Variants in WDFY3 observed in about 807,000 individuals in gnomAD.
The protein encoded by WDFY3 is WD repeat and FYVE domain containing 3.
Under a neutral mutation model 409.6 loss-of-function variants are expected in WDFY3, and 66 were observed. The ratio of observed to expected loss-of-function variants is 0.16; its 90% CI spans 0.13 to 0.20. The LOEUF is 0.20. Among genes scored for constraint, WDFY3 ranks in the 10% least tolerant of loss-of-function variants. The pLI, the probability that WDFY3 is intolerant of heterozygous loss-of-function variation, is 1.00. For missense variants in WDFY3, 3,031 were observed against 4,298.1 expected (o/e 0.71, Z 8.24); for synonymous variants, 1,521 against 1,537.1 (o/e 0.99, Z 0.25).
chr4:84,736,111 T>C, intron 42 of WDFY3, 59 bp downstream of exon 42: 1 of 1,497,860 alleles, frequency 6.7e-7, no homozygotes, highest in South Asian at 1.4e-5. Context: ...TGCTTGTACA[T>C]GTTAAGTATA....
In WDFY3 at chr4:84,774,989, A is replaced by C. The variant is rs780399020; in HGVS notation, c.4593-8T>G. The C allele has an allele frequency of 1.2e-6, 2 of 1,613,380 alleles. No homozygotes were observed. Among genetic ancestry groups the C allele is most frequent in the Non-Finnish European group, 1.7e-6 (2 of 1,179,754 alleles). On this transcript the variant is annotated splice_region_variant and splice_polypyrimidine_tract_variant and intron_variant, in intron 28 of 67. Coordinates refer to ENST00000295888, the MANE Select transcript of WDFY3 (RefSeq NM_014991.6). ...GCATTCTTTGAGGCTTCACTATAAGAGAAAGAAGATTTTATACACTGTACT... is the reference window on the plus strand; with the variant it reads ...GCATTCTTTGAGGCTTCACTATAAGCGAAAGAAGATTTTATACACTGTACT...
intron 67 of WDFY3, among the ~76,000 whole-genome samples, chr4:84,676,664 C>A (rs1410294776): frequency 1.3e-5 from 2 of 150,606 alleles, no homozygotes; most frequent in African/African-American, 4.9e-5. Flanking sequence ...ATTAAAATAA[C>A]CGACAGTAGT....
At chr4:84,938,750 TCTTTA>T (rs1214038338) in intron 1 of WDFY3, among the ~76,000 whole-genome samples, 1 of 152,160 alleles carries the variant, frequency 6.6e-6, no homozygotes, top group Non-Finnish European at 1.5e-5. Context: ...TAATGTCACC[TCTTTA>T]CTTTTACATT....
At chr4:84,948,657 TG>T (rs1773211051) in intron 1 of WDFY3, among the ~76,000 whole-genome samples, 1 of 152,204 alleles carries the variant, frequency 6.6e-6, no homozygotes, top group African/African-American at 2.4e-5. Flanking sequence ...TAGCTCGTTA[TG>T]ATGCCTACCC....
At chr4:84,945,463 A>T (rs1185706927) in intron 1 of WDFY3, among the ~76,000 whole-genome samples, 1 of 152,232 alleles carries the variant, frequency 6.6e-6, no homozygotes, top group Non-Finnish European at 1.5e-5. Context: ...AATCACACTC[A>T]CAGGGCCTCT....
rs537321771 is a variant in WDFY3 at position 84,878,926 on chromosome 4, C to CAA, written c.-32+17984_-32+17985insTT. On this transcript the variant is annotated intron_variant, in intron 3 of 67. Transcript: ENST00000295888. ...TAATAGCATTGCTGAAATTTAATTC[C>CAA]TTAAGTGTCTACTATATATAAGGAA... is the stretch of plus-strand genomic sequence containing the variant. Among the ~76,000 whole-genome samples the CAA allele has an allele frequency of 5.9e-5, 9 of 152,284 alleles. No homozygotes were observed. In the South Asian group the frequency reaches 1.9e-3, roughly 32 times the overall value.
At chr4:84,828,857 C>T in intron 9 of WDFY3, 147 bp downstream of exon 9, 1 of 770,456 alleles carries the variant, frequency 1.3e-6, no homozygotes, top group South Asian at 3.2e-5. Flanking sequence ...TGTGATTGCA[C>T]CAGAAAAAGA....
Position 84,672,752 on chromosome 4 carries a change from AAC to A in WDFY3, c.*114_*115del. On this transcript the variant is annotated 3_prime_UTR_variant, in exon 68 of 68. Coordinates refer to ENST00000295888, the MANE Select transcript of WDFY3 (RefSeq NM_014991.6). ...GATCCCTTTGAATTTTAACACTTCA[AAC>A]ACGTGGTATGAAGAGATGTGTAAAC... 1 of 1,429,064 alleles carries A rather than the reference AAC, an allele frequency of 7.0e-7. No homozygotes were observed. Among genetic ancestry groups the A allele is most frequent in the Non-Finnish European group, 9.5e-7 (1 of 1,055,552 alleles). 88.5% of individuals were successfully genotyped at this position (1,429,064 alleles called of 1,614,324 possible).
In WDFY3 at chr4:84,841,936, T is replaced by A. The variant is rs914419295; in HGVS notation, c.305-673A>T. 2.0e-5 allele frequency among the ~76,000 whole-genome samples: 3 copies of A among 152,264 alleles called. No homozygotes were observed. The South Asian group carries it at 6.2e-4, about 32-fold the overall frequency. On this transcript the variant is annotated intron_variant, in intron 5 of 67. Transcript: ENST00000295888. Reference sequence around the variant, plus strand: ...GAATGGTGAGAGGGAAATAAGAGGTTTCCTAAGTAATACACAGAGGAATAA... The same window carrying A: ...GAATGGTGAGAGGGAAATAAGAGGTATCCTAAGTAATACACAGAGGAATAA...
chr4:84,696,974 A>C, intron 56 of WDFY3, 151 bp from the exon 57 acceptor site: 1 of 639,620 alleles, frequency 1.6e-6, no homozygotes, highest in Non-Finnish European at 2.7e-6. Flanking sequence ...TATCAACTCT[A>C]GCATCCCTCA....
chr4:84,797,568 A>ATTTATTTAT (rs1387144693), intron 18 of WDFY3, among the ~76,000 whole-genome samples: 1 of 150,154 alleles, frequency 6.7e-6, no homozygotes, highest in Non-Finnish European at 1.5e-5. Context: ...TTATTTATTT[A>ATTTATTTAT]TTTATTTATT....
At chr4:84,925,760 T>G (rs1006430408) in intron 2 of WDFY3, among the ~76,000 whole-genome samples, 2 of 152,030 alleles carry the variant, frequency 1.3e-5, no homozygotes, top group African/African-American at 2.4e-5. Flanking sequence ...TATTAAAGTA[T>G]GAAGTTTTTA....
chr4:84,743,640 T>C, intron 37 of WDFY3, 60 bp downstream of exon 37: 1 of 1,345,520 alleles, frequency 7.4e-7, no homozygotes, highest in Non-Finnish European at 9.9e-7. Flanking sequence ...GTAGTTTTAC[T>C]TGGGGCTTAG....
chr4:84,678,077 G>C, intron 66 of WDFY3, 91 bp downstream of exon 66: 1 of 823,636 alleles, frequency 1.2e-6, no homozygotes, highest in South Asian at 1.4e-5. Context: ...AATAAAATCT[G>C]TTTTCCCCAA....
rs749004387 is a variant in WDFY3 at position 84,677,400 on chromosome 4, C to A, written c.10260-4G>T. On this transcript the variant is annotated splice_region_variant and splice_polypyrimidine_tract_variant and intron_variant, in intron 66 of 67. Coordinates refer to ENST00000295888, the MANE Select transcript of WDFY3 (RefSeq NM_014991.6). Reference sequence around the variant, plus strand: ...AACGAGGATCCTACTGTGATCCCTGCAGGAGACACGACAGAGGAGGTCACT... The same window carrying A: ...AACGAGGATCCTACTGTGATCCCTGAAGGAGACACGACAGAGGAGGTCACT... 4 of 1,602,988 alleles carry A rather than the reference C, an allele frequency of 2.5e-6. No individual in the cohort carries two copies. Among genetic ancestry groups the A allele is most frequent in the East Asian group, 2.2e-5 (1 of 44,740 alleles).
At chr4:84,920,182 T>A (rs2150846224) in intron 2 of WDFY3, among the ~76,000 whole-genome samples, 1 of 152,180 alleles carries the variant, frequency 6.6e-6, no homozygotes, top group East Asian at 1.9e-4. Flanking sequence ...TAAAAAGACA[T>A]CAAATATAAA....
intron 64 of WDFY3, 31 bp downstream of exon 64, chr4:84,682,343 A>T (rs763263558): frequency 5.0e-6 from 8 of 1,586,418 alleles, no homozygotes; most frequent in Non-Finnish European, 6.9e-6. Flanking sequence ...TATGAAAACG[A>T]TTTGAGTCAT....
intron 5 of WDFY3, among the ~76,000 whole-genome samples, chr4:84,843,530 G>A (rs757129457): frequency 6.6e-6 from 1 of 152,024 alleles, no homozygotes; most frequent in Non-Finnish European, 1.5e-5. Context: ...ATGTAGCTGG[G>A]ACTAACAGTA....
At position 84,751,715 on chromosome 4, in the gene WDFY3, A is replaced by G; in HGVS notation, c.5741T>C (p.Val1914Ala). The G allele has an allele frequency of 2.5e-6, 4 of 1,614,176 alleles. No individual in the cohort carries two copies. Among genetic ancestry groups the G allele is most frequent in the Non-Finnish European group, 3.4e-6 (4 of 1,180,026 alleles). ...PFNIRPYSEM[V>A]TDLDDEVGSP... is the part of the protein sequence containing the mutation. ...TCCAACTTCATCATCAAGGTCAGTC[A>G]CCTAGTAAAATCAAGTGGAAAGATA... Residue 1914 changes from valine (V) to alanine (A), a missense_variant and splice_region_variant, in exon 36 of 68, where the codon GTG becomes GCG. Val to Ala is a moderately conservative substitution (Grantham distance 64). This residue lies in a region of WDFY3 where 2 missense variants were observed against 17.0 expected (regional missense o/e 0.12). Coordinates refer to ENST00000295888, the MANE Select transcript of WDFY3 (RefSeq NM_014991.6).
Sources: allele counts gnomAD v4.1 joint callset (sites outside exome capture counted in the v4.1 genomes callset), GRCh38; gene constraint gnomAD v4.1.1; regional missense constraint gnomAD v4.1.1; transcripts MANE v1.5; gene names NCBI Gene and HGNC (gene_info 2026-07-23, HGNC 2026-07-21).